The following HCN1 variants were observed in gnomAD, a reference collection of about 807,000 sequenced individuals.
HCN1 encodes hyperpolarization activated cyclic nucleotide gated potassium channel 1.
A neutral mutation model predicts 78.9 loss-of-function variants in HCN1; 13 were observed. The ratio of observed to expected loss-of-function variants is 0.16; its 90% CI spans 0.11 to 0.26. The LOEUF is 0.26. HCN1 is among the 10% of genes least tolerant of loss of function. HCN1 has a pLI of 1.00. For synonymous variants in HCN1, 552 were observed against 455.5 expected, an observed-to-expected ratio of 1.21 and a Z score of -2.70; for missense variants, 810 against 1,154.3, an observed-to-expected ratio of 0.70 and a Z score of 4.32.
At chr5:45,452,964 C>T (rs1247672337) in intron 3 of HCN1, among the ~76,000 whole-genome samples, 1 of 152,010 alleles carries the variant, frequency 6.6e-6, no homozygotes, top group Non-Finnish European at 1.5e-5. Flanking sequence ...CATGTCACTT[C>T]TGATTCTGTC....
chr5:45,349,560 C>T (rs2111977683), intron 5 of HCN1, among the ~76,000 whole-genome samples: 1 of 152,146 alleles, frequency 6.6e-6, no homozygotes, highest in East Asian at 1.9e-4. Flanking sequence ...ACAAAAAACC[C>T]TTCAAAAAAT....
intron 2 of HCN1, among the ~76,000 whole-genome samples, chr5:45,491,922 A>C (rs1455394291): frequency 6.6e-6 from 1 of 152,156 alleles, no homozygotes. Flanking sequence ...AATAAGTACT[A>C]CCTATATATA....
At chr5:45,382,505 T>C (rs1747830320) in intron 4 of HCN1, among the ~76,000 whole-genome samples, 1 of 152,206 alleles carries the variant, frequency 6.6e-6, no homozygotes, top group Non-Finnish European at 1.5e-5. Flanking sequence ...TATATCATGT[T>C]TATACACACA....
At chr5:45,454,642 AATTAAGAGATTTTTTAGCTC>A (rs1299947952) in intron 3 of HCN1, among the ~76,000 whole-genome samples, 1 of 152,080 alleles carries the variant, frequency 6.6e-6, no homozygotes, top group Non-Finnish European at 1.5e-5. Context: ...ATATATTTTT[AATTAAGAGATTTTTTAGCTC>A]ATTTCTTCGT....
chr5:45,517,054 G>C (rs1230474710), intron 2 of HCN1, among the ~76,000 whole-genome samples: 4 of 151,856 alleles, frequency 2.6e-5, no homozygotes, highest in African/African-American at 9.7e-5. Context: ...ACTGTGTTAG[G>C]AAAAAAATTG....
At chr5:45,668,403 C>T (rs1476922632) in intron 1 of HCN1, among the ~76,000 whole-genome samples, 1 of 151,824 alleles carries the variant, frequency 6.6e-6, no homozygotes, top group African/African-American at 2.4e-5. Flanking sequence ...CTCTCTCCTG[C>T]CACCACATAA....
At chr5:45,328,604 T>C (rs1286081867) in intron 5 of HCN1, among the ~76,000 whole-genome samples, 1 of 151,666 alleles carries the variant, frequency 6.6e-6, no homozygotes, top group Non-Finnish European at 1.5e-5. Context: ...TCAAGCATTG[T>C]GGCTCCACTG....
At chr5:45,590,830 G>C (rs1337998637) in intron 2 of HCN1, among the ~76,000 whole-genome samples, 3 of 151,982 alleles carry the variant, frequency 2.0e-5, no homozygotes, top group Admixed American at 6.6e-5. Flanking sequence ...CATTGTATTG[G>C]TTGGTTTGTT....
At chr5:45,464,728 T>C (rs890022959) in intron 2 of HCN1, among the ~76,000 whole-genome samples, 8 of 152,156 alleles carry the variant, frequency 5.3e-5, no homozygotes, top group Non-Finnish European at 1.0e-4. Context: ...TCTGATTGTC[T>C]TTTGAACCCT....
intron 6 of HCN1, among the ~76,000 whole-genome samples, chr5:45,274,441 T>A (rs536961568): frequency 3.0e-4 from 46 of 152,266 alleles, no homozygotes; most frequent in African/African-American, 1.1e-3. Flanking sequence ...GTTAGCAAAG[T>A]TATTCATTGA....
chr5:45,312,688 G>T (rs558980840), intron 5 of HCN1, among the ~76,000 whole-genome samples: 1 of 152,332 alleles, frequency 6.6e-6, no homozygotes, highest in East Asian at 1.9e-4. Flanking sequence ...CTTTTCCAAT[G>T]GTCTTAGCAA....
chr5:45,478,780 G>C (rs1419963335), intron 2 of HCN1, among the ~76,000 whole-genome samples: 1 of 152,090 alleles, frequency 6.6e-6, no homozygotes. Context: ...CCTTACTAGT[G>C]AGTAAAAGTT....
intron 2 of HCN1, among the ~76,000 whole-genome samples, chr5:45,484,306 G>A (rs1158447851): frequency 6.6e-6 from 1 of 152,020 alleles, no homozygotes; most frequent in Admixed American, 6.6e-5. Flanking sequence ...GTGGTGATAG[G>A]TGCCTGTAGT....
At chr5:45,555,579 C>T (rs1743452976) in intron 2 of HCN1, among the ~76,000 whole-genome samples, 2 of 151,626 alleles carry the variant, frequency 1.3e-5, no homozygotes, top group African/African-American at 4.8e-5. Context: ...TACACAGAGA[C>T]ACTAGCCAAA....
rs530163580 is a variant in HCN1, at chr5:45,658,612, C to T, written c.426-13004G>A. Among the ~76,000 whole-genome samples, 34 of 151,770 alleles carry T rather than the reference C, an allele frequency of 2.2e-4. No individual in the cohort carries two copies. In the South Asian group the frequency reaches 5.4e-3, roughly 24 times the overall value. ...GTGTGTGCGCGCACCGTGCGCGAGC[C>T]GAAGCAGGGCGAGGCATTGCCTCAC... is the stretch of plus-strand genomic sequence containing the variant. On this transcript the variant is annotated intron_variant, in intron 1 of 7. Coordinates refer to ENST00000303230, the MANE Select transcript of HCN1 (RefSeq NM_021072.4).
At chr5:45,479,826 A>G (rs1741609256) in intron 2 of HCN1, among the ~76,000 whole-genome samples, 2 of 152,200 alleles carry the variant, frequency 1.3e-5, no homozygotes, top group Non-Finnish European at 2.9e-5. Flanking sequence ...AATAAAAAGC[A>G]AAAGTTCTCC....
intron 3 of HCN1, among the ~76,000 whole-genome samples, chr5:45,444,533 T>C (rs1468757106): frequency 6.6e-6 from 1 of 152,184 alleles, no homozygotes; most frequent in Non-Finnish European, 1.5e-5. Context: ...TAGTATGCTT[T>C]ACATCTTTGG....
At chr5:45,500,450 A>G (rs1031623509) in intron 2 of HCN1, among the ~76,000 whole-genome samples, 2 of 152,204 alleles carry the variant, frequency 1.3e-5, no homozygotes, top group Non-Finnish European at 2.9e-5. Context: ...TCATAGAAAC[A>G]AGTGATACTT....
At chr5:45,525,447 T>TA (rs199703424) in intron 2 of HCN1, among the ~76,000 whole-genome samples, 3 of 151,682 alleles carry the variant, frequency 2.0e-5, no homozygotes, top group African/African-American at 7.3e-5. Flanking sequence ...TGGTTTAATA[T>TA]CGACATCAAA....
Sources: gnomAD v4.1 joint callset for allele counts (sites outside exome capture counted in the v4.1 genomes callset) on GRCh38, gnomAD v4.1.1 for gene constraint, MANE v1.5 for transcripts, NCBI Gene and HGNC (gene_info 2026-07-23, HGNC 2026-07-21) for gene names.